ZBTB20: variants seen among roughly 807,000 people sequenced by gnomAD.
ZBTB20 encodes the protein zinc finger and BTB domain-containing protein 20.
ZBTB20 carries 9 observed loss-of-function variants against 56.9 expected under a neutral mutation model. The observed-to-expected ratio is 0.16, with a 90% confidence interval of 0.10 to 0.28. The LOEUF (loss-of-function observed/expected upper bound fraction) is 0.28. Ranked by LOEUF, ZBTB20 falls within the 10% of genes least tolerant of loss-of-function variation. The pLI is 1.00. For synonymous variants in ZBTB20, 417 were observed against 420.7 expected (o/e 0.99, Z 0.11); for missense variants, 655 against 1,003.0 (o/e 0.65, Z 4.69).
At chr3:115,094,863 T>C (rs1024636055) in intron 1 of ZBTB20, among the ~76,000 whole-genome samples, 1 of 152,100 alleles carries the variant, frequency 6.6e-6, no homozygotes, top group Non-Finnish European at 1.5e-5. Flanking sequence ...ATAGTACTAC[T>C]ATGTATAAGA....
chr3:114,820,208 G>A (rs1040064715), intron 4 of ZBTB20, among the ~76,000 whole-genome samples: 14 of 151,862 alleles, frequency 9.2e-5, no homozygotes, highest in Non-Finnish European at 1.9e-4. Flanking sequence ...AGTGGAAAAT[G>A]ACCTAAATGT....
intron 6 of ZBTB20, among the ~76,000 whole-genome samples, chr3:114,536,526 A>T (rs1037020998): frequency 6.6e-6 from 1 of 152,236 alleles, no homozygotes; most frequent in African/African-American, 2.4e-5. Flanking sequence ...ATGCTCATGG[A>T]TAGGAAGAAT....
intron 7 of ZBTB20, among the ~76,000 whole-genome samples, chr3:114,462,852 A>G (rs11714548): frequency 1 from 151,591 of 152,328 alleles, 75,433 homozygotes; most frequent in Middle Eastern, 1. Context: ...CCTCATAAGA[A>G]AGCTAACCAT....
At chr3:114,661,710 A>C (rs894701219) in intron 6 of ZBTB20, among the ~76,000 whole-genome samples, 3 of 152,090 alleles carry the variant, frequency 2.0e-5, no homozygotes, top group African/African-American at 7.2e-5. Context: ...TTGCTGCTTG[A>C]AACCATTTCA....
intron 3 of ZBTB20, among the ~76,000 whole-genome samples, chr3:114,944,381 G>C (rs985116562): frequency 2.7e-5 from 4 of 145,622 alleles, no homozygotes; most frequent in Admixed American, 2.7e-4. Context: ...ACTGTTGGTA[G>C]GAATGCAAAT....
At chr3:114,486,600 T>C (rs1291872043) in intron 7 of ZBTB20, among the ~76,000 whole-genome samples, 1 of 152,220 alleles carries the variant, frequency 6.6e-6, no homozygotes, top group Non-Finnish European at 1.5e-5. Context: ...TGAAGACTTT[T>C]CATTACTTTT....
At chr3:115,028,610 T>C (rs970427494) in intron 2 of ZBTB20, among the ~76,000 whole-genome samples, 15 of 150,262 alleles carry the variant, frequency 1.0e-4, no homozygotes, top group African/African-American at 3.7e-4. Context: ...GATACAAAAC[T>C]TCTCAGCGAG....
intron 6 of ZBTB20, among the ~76,000 whole-genome samples, chr3:114,619,300 C>T (rs1191987837): frequency 6.6e-6 from 1 of 151,986 alleles, no homozygotes; most frequent in Non-Finnish European, 1.5e-5. Context: ...TCTGTGGCTG[C>T]TTACATCTAG....
chr3:115,036,339 C>T (rs189500880), intron 2 of ZBTB20, among the ~76,000 whole-genome samples: 1 of 151,148 alleles, frequency 6.6e-6, no homozygotes, highest in African/African-American at 2.4e-5. Context: ...CTCGCTCTGT[C>T]GCCAGGCTGA....
chr3:115,012,619 T>C (rs1218285776), intron 2 of ZBTB20, among the ~76,000 whole-genome samples: 1 of 151,792 alleles, frequency 6.6e-6, no homozygotes, highest in East Asian at 1.9e-4. Context: ...CTATAATAGT[T>C]GGAGACTTTA....
intron 6 of ZBTB20, among the ~76,000 whole-genome samples, chr3:114,638,094 C>A (rs1270773937): frequency 4.6e-5 from 7 of 152,034 alleles, no homozygotes; most frequent in Admixed American, 1.3e-4. Context: ...CAAGTGTATT[C>A]TCTAATTTGC....
chr3:114,532,027 G>T (rs192773026), intron 6 of ZBTB20, among the ~76,000 whole-genome samples: 2 of 152,288 alleles, frequency 1.3e-5, no homozygotes, highest in Admixed American at 6.5e-5. Flanking sequence ...CCTACACCAC[G>T]AGGGCCCTGG....
chr3:114,940,390 T>C (rs2076685896), intron 3 of ZBTB20, among the ~76,000 whole-genome samples: 1 of 23,054 alleles, frequency 4.3e-5, no homozygotes, highest in Non-Finnish European at 7.6e-5. Flanking sequence ...CATTCATTTC[T>C]GATTTTTTTT....
chr3:114,899,300 G>A (rs1306690107), intron 4 of ZBTB20, among the ~76,000 whole-genome samples: 1 of 152,030 alleles, frequency 6.6e-6, no homozygotes, highest in South Asian at 2.1e-4. Context: ...TATGCCCCAT[G>A]TGTCCACTAA....
chr3:114,863,603 G>C (rs1016796117), intron 4 of ZBTB20, among the ~76,000 whole-genome samples: 1 of 151,976 alleles, frequency 6.6e-6, no homozygotes, highest in Non-Finnish European at 1.5e-5. Context: ...ACAATAACAT[G>C]GCCTACCTCT....
At chr3:114,510,045 C>T (rs1292928658) in intron 6 of ZBTB20, among the ~76,000 whole-genome samples, 3 of 152,038 alleles carry the variant, frequency 2.0e-5, no homozygotes, top group Admixed American at 2.0e-4. Context: ...TGTGAAATAC[C>T]GTGAAACACA....
At chr3:114,926,545 A>G (rs569717350) in intron 3 of ZBTB20, among the ~76,000 whole-genome samples, 2 of 152,340 alleles carry the variant, frequency 1.3e-5, no homozygotes, top group Admixed American at 1.3e-4. Context: ...ACCAAGAGAT[A>G]CAAATAAAAA....
intron 7 of ZBTB20, among the ~76,000 whole-genome samples, chr3:114,486,504 G>C (rs1182820465): frequency 6.6e-6 from 1 of 152,114 alleles, no homozygotes; most frequent in Non-Finnish European, 1.5e-5. Context: ...GAAAGCTACT[G>C]GTGAAGAACC....
chr3:115,014,177 A>G (rs1469715668), intron 2 of ZBTB20, among the ~76,000 whole-genome samples: 4 of 151,706 alleles, frequency 2.6e-5, no homozygotes, highest in African/African-American at 7.3e-5. Context: ...GACAAACTTG[A>G]TATGTTTGAA....
Sources: allele counts gnomAD v4.1 joint callset (sites outside exome capture counted in the v4.1 genomes callset), GRCh38; gene constraint gnomAD v4.1.1; transcripts MANE v1.5; gene names NCBI Gene and HGNC (gene_info 2026-07-23, HGNC 2026-07-21).